The following CLSTN2 variants were observed in gnomAD, a reference collection of about 807,000 sequenced individuals.
CLSTN2 encodes calsyntenin 2.
Under a neutral mutation model 101.2 loss-of-function variants are expected in CLSTN2, and 48 were observed. That is an observed-to-expected ratio of 0.47 (90% CI 0.38 to 0.60). The LOEUF (loss-of-function observed/expected upper bound fraction) is 0.60, where lower values mean the gene tolerates loss of function less well. CLSTN2 is among the 20% of genes least tolerant of loss of function. The pLI is 0.00. For synonymous variants in CLSTN2, 481 were observed against 463.6 expected, an observed-to-expected ratio of 1.04 and a Z score of -0.48; for missense variants, 1,160 against 1,238.2, an observed-to-expected ratio of 0.94 and a Z score of 0.95.
intron 1 of CLSTN2, among the ~76,000 whole-genome samples, chr3:140,074,026 C>CCGG: frequency 6.6e-6 from 1 of 152,228 alleles, no homozygotes; most frequent in East Asian, 1.9e-4. Context: ...GTGCTGCTGC[C>CCGG]TGGTGGTTTT....
chr3:140,363,127 T>C (rs905329465), intron 2 of CLSTN2, among the ~76,000 whole-genome samples: 2 of 152,150 alleles, frequency 1.3e-5, no homozygotes, highest in Non-Finnish European at 2.9e-5. Context: ...ATCTATACAA[T>C]GGAATATTAT....
chr3:140,543,040 G>T (rs1169946323), intron 9 of CLSTN2, among the ~76,000 whole-genome samples: 1 of 152,142 alleles, frequency 6.6e-6, no homozygotes, highest in Non-Finnish European at 1.5e-5. Context: ...TATAACTATA[G>T]AATGAGTATC....
intron 5 of CLSTN2, among the ~76,000 whole-genome samples, chr3:140,439,483 T>A (rs1193040293): frequency 6.6e-6 from 1 of 152,174 alleles, no homozygotes; most frequent in African/African-American, 2.4e-5. Flanking sequence ...CCAAATTATA[T>A]CTCCTCTGTC....
chr3:140,219,074 T>G lies in CLSTN2; in HGVS notation c.232+43001T>G, dbSNP rs547982465. Among the ~76,000 whole-genome samples the G allele has an allele frequency of 2.6e-5, 4 of 152,106 alleles. No homozygotes were observed. In the East Asian group the frequency reaches 7.9e-4, roughly 30 times the overall value. ...GGCATCAACTCCATCCACGCCCTGG[T>G]CCATTTGGGAGCATTCCTGCAGTTC... On this transcript the variant is annotated intron_variant, in intron 2 of 16. Coordinates refer to ENST00000458420, the MANE Select transcript of CLSTN2 (RefSeq NM_022131.3).
Position 140,403,756 on chromosome 3 carries a change from C to T in CLSTN2, c.360C>T (p.Tyr120=). ...TTGACTGTGAGTTGCAGAAGGAGTA[C>T]ACATTCATCATCCAGGCCTATGACT... is the stretch of plus-strand genomic sequence containing the variant. ...SPIDCELQKE[Y]TFIIQAYDCG... Residue 120 remains tyrosine, a synonymous_variant, in exon 3 of 17, where the codon TAC becomes TAT. Transcript: ENST00000458420. The T allele has an allele frequency of 1.9e-6, 3 of 1,614,192 alleles. No individual in the cohort carries two copies. The highest frequency in any genetic ancestry group is 2.5e-6 in the Non-Finnish European group (3 of 1,180,016).
In CLSTN2 at chr3:140,179,109, A is replaced by G. The variant is rs114147600; in HGVS notation, c.232+3036A>G. On this transcript the variant is annotated intron_variant, in intron 2 of 16. Transcript: ENST00000458420. ...TAAATATTATGATTGCATTTTGTAT[A>G]TAAGTGCAAAATTCAAAGATTTAAC... 2.9e-3 allele frequency among the ~76,000 whole-genome samples: 435 copies of G among 152,320 alleles called. 1 individual carries two copies. Among genetic ancestry groups the G allele is most frequent in the African/African-American group, 0.01 (420 of 41,578 alleles).
At chr3:140,490,674 T>C (rs1006713322) in intron 8 of CLSTN2, among the ~76,000 whole-genome samples, 2 of 151,448 alleles carry the variant, frequency 1.3e-5, no homozygotes, top group African/African-American at 4.9e-5. Flanking sequence ...AGAGTGAAAT[T>C]CTGTGACTTC....
intron 2 of CLSTN2, among the ~76,000 whole-genome samples, chr3:140,182,565 G>T (rs2010426099): frequency 2.0e-5 from 3 of 152,282 alleles, no homozygotes; most frequent in South Asian, 4.1e-4. Context: ...TTCCAAGCTG[G>T]TTTGTTTGGG....
intron 1 of CLSTN2, among the ~76,000 whole-genome samples, chr3:140,118,810 C>A (rs569588409): frequency 6.6e-6 from 1 of 152,100 alleles, no homozygotes; most frequent in East Asian, 1.9e-4. Context: ...GGCAGAAATG[C>A]GTGTTATGTC....
chr3:139,979,714 G>A (rs913607804), intron 1 of CLSTN2, among the ~76,000 whole-genome samples: 6 of 150,590 alleles, frequency 4.0e-5, no homozygotes, highest in African/African-American at 1.5e-4. Flanking sequence ...TAGTATCCCT[G>A]AGGAATACTA....
At chr3:140,322,117 C>T (rs1019715989) in intron 2 of CLSTN2, among the ~76,000 whole-genome samples, 1 of 152,242 alleles carries the variant, frequency 6.6e-6, no homozygotes, top group Non-Finnish European at 1.5e-5. Flanking sequence ...AGTTCCAGAA[C>T]AAGCACTTTG....
At chr3:140,326,324 G>A (rs1208890311) in intron 2 of CLSTN2, among the ~76,000 whole-genome samples, 1 of 152,330 alleles carries the variant, frequency 6.6e-6, no homozygotes, top group African/African-American at 2.4e-5. Flanking sequence ...GAGTTGGGGA[G>A]GCAAGACAGA....
chr3:140,146,045 G>A (rs2350508), intron 1 of CLSTN2, among the ~76,000 whole-genome samples: 104,864 of 152,126 alleles, frequency 0.69, 40,104 homozygotes, highest in East Asian at 0.91. Context: ...TGAAGACTCC[G>A]GGAAAACCTT....
intron 8 of CLSTN2, among the ~76,000 whole-genome samples, chr3:140,501,580 C>T (rs1934577355): frequency 6.6e-6 from 1 of 152,166 alleles, no homozygotes; most frequent in Non-Finnish European, 1.5e-5. Flanking sequence ...CCATAGAAAG[C>T]AGATTTTCTC....
intron 2 of CLSTN2, among the ~76,000 whole-genome samples, chr3:140,253,605 G>GA (rs1296667778): frequency 1.3e-5 from 2 of 152,070 alleles, no homozygotes; most frequent in Non-Finnish European, 2.9e-5. Context: ...TGTACTGATA[G>GA]AAAACACAGC....
At chr3:140,260,176 C>A (rs1362791830) in intron 2 of CLSTN2, among the ~76,000 whole-genome samples, 1 of 148,616 alleles carries the variant, frequency 6.7e-6, no homozygotes, top group Admixed American at 6.7e-5. Context: ...AAATACTGTA[C>A]ACCATACAAA....
chr3:140,405,130 A>G (rs1167055158), intron 4 of CLSTN2, among the ~76,000 whole-genome samples: 1 of 152,150 alleles, frequency 6.6e-6, no homozygotes, highest in Non-Finnish European at 1.5e-5. Context: ...TCCGTTTCCT[A>G]TGTAATAAGT....
At chr3:140,565,995 C>G in intron 16 of CLSTN2, 58 bp from the exon 17 acceptor site, 1 of 1,606,078 alleles carries the variant, frequency 6.2e-7, no homozygotes, top group Middle Eastern at 1.7e-4. Context: ...GACATAAGCT[C>G]CAAAATGGCC....
chr3:140,125,653 T>C (rs558846763), intron 1 of CLSTN2, among the ~76,000 whole-genome samples: 1 of 152,212 alleles, frequency 6.6e-6, no homozygotes, highest in South Asian at 2.1e-4. Context: ...TGGGGAAATA[T>C]AATAGTGTTG....
Sources: allele counts gnomAD v4.1 joint callset (sites outside exome capture counted in the v4.1 genomes callset), GRCh38; gene constraint gnomAD v4.1.1; transcripts MANE v1.5; gene names NCBI Gene and HGNC (gene_info 2026-07-23, HGNC 2026-07-21).